The following ZDHHC18 variants were observed in gnomAD, a reference collection of about 807,000 sequenced individuals.
ZDHHC18 encodes palmitoyltransferase ZDHHC18.
Under a neutral mutation model 37.5 loss-of-function variants are expected in ZDHHC18, and 23 were observed. The observed-to-expected ratio is 0.61, with a 90% CI of 0.44 to 0.87. ZDHHC18 has a LOEUF of 0.87. Ranked by LOEUF, ZDHHC18 falls within the 40% of genes least tolerant of loss-of-function variation. The pLI is 0.00. For synonymous variants in ZDHHC18, 185 were observed against 218.7 expected (o/e 0.85, Z 1.36); for missense variants, 406 against 525.6 (o/e 0.77, Z 2.22).
intron 3 of ZDHHC18, among the ~76,000 whole-genome samples, chr1:26,849,951 A>G (rs539702000): frequency 5.3e-5 from 8 of 152,346 alleles, no homozygotes; most frequent in Admixed American, 5.2e-4. Context: ...ATTATAAATA[A>G]GCATAAAAAC....
chr1:26,856,046 T>C lies in ZDHHC18; in HGVS notation c.*2203T>C. On this transcript the variant is annotated 3_prime_UTR_variant, in exon 8 of 8. Coordinates refer to ENST00000374142, the MANE Select transcript of ZDHHC18 (RefSeq NM_032283.3). The surrounding 1 kb of genome is among the most constrained non-coding windows in gnomAD (Gnocchi z 5.2). ...CCTTTCCACTCCGATCCCCAATGAG[T>C]GCCCAGCTAAGAAAATGTTTGAGAC... The C allele has an allele frequency of 2.8e-6, 1 of 361,326 alleles. No individual in the cohort carries two copies. The highest frequency in any genetic ancestry group is 7.8e-5 in the East Asian group (1 of 12,888). The allele number at this position is 361,326 out of a possible 1,614,324, so 22.4% of individuals were successfully genotyped here.
intron 1 of ZDHHC18, among the ~76,000 whole-genome samples, 191 bp downstream of exon 1, chr1:26,827,330 C>G (rs1239245515): frequency 6.6e-6 from 1 of 150,966 alleles, no homozygotes. Flanking sequence ...CCAGATGCCC[C>G]ATCCTCCTTG....
chr1:26,832,460 G>T lies in ZDHHC18; in HGVS notation c.349G>T (p.Ala117Ser). The change falls in exon 2 of 8, where the codon GCT becomes TCT. Residue 117 changes from alanine to serine, a missense_variant. By Grantham distance (99) the Ala-to-Ser change is moderately conservative. Coordinates refer to ENST00000374142, the MANE Select transcript of ZDHHC18 (RefSeq NM_032283.3). ...CTCTCGTTCTAGCTGTCCCTACCTG[G>T]CTCGCAAGCTGACCCTTGCCATCCC... ...LFFVFDCPYL[A>S]RKLTLAIPII... 1 of 1,614,096 alleles carries T rather than the reference G, an allele frequency of 6.2e-7. No individual in the cohort carries two copies. Among genetic ancestry groups the T allele is most frequent in the Non-Finnish European group, 8.5e-7 (1 of 1,179,994 alleles).
At position 26,855,727 on chromosome 1, in the gene ZDHHC18, C is replaced by G. The variant is rs1255313885; in HGVS notation, c.*1884C>G. 1.9e-5 allele frequency: 3 copies of G among 154,548 alleles called. No homozygotes were observed. Among genetic ancestry groups the G allele is most frequent in the East Asian group, 1.9e-4 (1 of 5,274 alleles). 9.6% of individuals were successfully genotyped at this position (154,548 alleles called of 1,614,324 possible). On this transcript the variant is annotated 3_prime_UTR_variant, in exon 8 of 8. Transcript: ENST00000374142. Reference sequence around the variant, plus strand: ...ACTTCAGTTTATAAGAGTTGCTTTGCTTTGGTTTGGTTTTTGTTTGCTTTT... The same window carrying G: ...ACTTCAGTTTATAAGAGTTGCTTTGGTTTGGTTTGGTTTTTGTTTGCTTTT...
At chr1:26,839,616 A>G (rs752819365) in intron 2 of ZDHHC18, among the ~76,000 whole-genome samples, 4 of 152,182 alleles carry the variant, frequency 2.6e-5, no homozygotes, top group Non-Finnish European at 4.4e-5. Flanking sequence ...TCCCATCTGT[A>G]ACTCACAGGC....
At chr1:26,851,627 G>A (rs540605822) in intron 6 of ZDHHC18, among the ~76,000 whole-genome samples, 1 of 152,180 alleles carries the variant, frequency 6.6e-6, no homozygotes, top group South Asian at 2.1e-4. Flanking sequence ...TTCCCCATTC[G>A]ATGACTGAGA....
Position 26,827,131 on chromosome 1 carries a change from C to G in ZDHHC18, c.327C>G (p.Phe109Leu). 1 of 1,411,396 alleles carries G rather than the reference C, an allele frequency of 7.1e-7. No homozygotes were observed. Among genetic ancestry groups the G allele is most frequent in the East Asian group, 2.9e-5 (1 of 34,300 alleles). 87.4% of individuals were successfully genotyped at this position (1,411,396 alleles called of 1,614,324 possible). ...TCCTCACCACCACCGGCCTCTTCTT[C>G]GTCTTTGAGTGAGTTCCGCTGCCTC... ...LLILTTTGLFFVFDCPYLARK... is the reference protein window; with the variant it reads ...LLILTTTGLFLVFDCPYLARK... Residue 109 changes from phenylalanine (F) to leucine (L), a missense_variant, in exon 1 of 8, where the codon TTC becomes TTG. Transcript: ENST00000374142.
In ZDHHC18 at chr1:26,830,510, C is replaced by CTGTAGATAG. The variant is rs112740558; in HGVS notation, c.336-1936_336-1935insGTAGATAGT. On this transcript the variant is annotated intron_variant, in intron 1 of 7. Coordinates refer to ENST00000374142, the MANE Select transcript of ZDHHC18 (RefSeq NM_032283.3). ...TATCTGTAGATAGTACAGTAACTAT[C>CTGTAGATAG]TACATAGTACAGTAACTATCTGTAC... is the stretch of plus-strand genomic sequence containing the variant. Among the ~76,000 whole-genome samples the CTGTAGATAG allele has an allele frequency of 1.8e-3, 275 of 151,790 alleles. 1 individual carries two copies. The highest frequency in any genetic ancestry group is 6.4e-3 in the African/African-American group (265 of 41,134).
At chr1:26,833,535 G>A (rs1480693709) in intron 2 of ZDHHC18, among the ~76,000 whole-genome samples, 1 of 152,182 alleles carries the variant, frequency 6.6e-6, no homozygotes, top group Admixed American at 6.5e-5. Context: ...AACAGCCTGG[G>A]CGTGTGTGAG....
At chr1:26,847,689 C>CT (rs1372024403) in intron 2 of ZDHHC18, among the ~76,000 whole-genome samples, 384 of 148,764 alleles carry the variant, frequency 2.6e-3, no homozygotes, top group Non-Finnish European at 4.2e-3. Flanking sequence ...CTCTCTCTCT[C>CT]TTTTTTTTTT....
rs753064618 is a variant in ZDHHC18 at position 26,851,241 on chromosome 1, C to T, written c.936+10C>T. ...GACTACTAATGAAGACGTGAGTAAA[C>T]CTGGAGCCACCCCTCATTCTAGGGC... is the stretch of plus-strand genomic sequence containing the variant. On this transcript the variant is annotated intron_variant, in intron 6 of 7. Coordinates refer to ENST00000374142, the MANE Select transcript of ZDHHC18 (RefSeq NM_032283.3). 1.7e-5 allele frequency: 27 copies of T among 1,612,660 alleles called. No homozygotes were observed. The highest frequency in any genetic ancestry group is 2.2e-5 in the Non-Finnish European group (26 of 1,178,730).
chr1:26,838,942 G>A (rs2124255081), intron 2 of ZDHHC18, among the ~76,000 whole-genome samples: 1 of 152,362 alleles, frequency 6.6e-6, no homozygotes, highest in Middle Eastern at 3.4e-3. Flanking sequence ...ACCTTGAGCT[G>A]GCCTTAGAGG....
Position 26,855,377 on chromosome 1 carries a change from C to T in ZDHHC18, c.*1534C>T, listed in dbSNP as rs1274640093. ...GCCGGAAACTCAGAGGATGTTTCTCCTCTGCTGGGAGCTGTAGTTTCTTAT... is the reference window on the plus strand; with the variant it reads ...GCCGGAAACTCAGAGGATGTTTCTCTTCTGCTGGGAGCTGTAGTTTCTTAT... On this transcript the variant is annotated 3_prime_UTR_variant, in exon 8 of 8. Coordinates refer to ENST00000374142, the MANE Select transcript of ZDHHC18 (RefSeq NM_032283.3). 2 of 152,652 alleles carry T rather than the reference C, an allele frequency of 1.3e-5. No homozygotes were observed. The highest frequency in any genetic ancestry group is 2.9e-5 in the Non-Finnish European group (2 of 68,086). 9.5% of individuals were successfully genotyped at this position (152,652 alleles called of 1,614,324 possible). A position where few individuals can be genotyped will look rare whatever the true frequency, so the allele number is the denominator to read the frequency against.
intron 3 of ZDHHC18, among the ~76,000 whole-genome samples, chr1:26,849,628 A>G (rs17162313): frequency 0.061 from 9,237 of 152,182 alleles, 329 homozygotes; most frequent in Non-Finnish European, 0.079. Flanking sequence ...GACTTTCTTT[A>G]CCAGTCTGGG....
At chr1:26,851,056 A>C in intron 5 of ZDHHC18, 73 bp from the exon 6 acceptor site, 7 of 1,381,714 alleles carry the variant, frequency 5.1e-6, no homozygotes, top group Non-Finnish European at 7.2e-6. Context: ...CCATGGAAGG[A>C]TAGGTGAGAC....
chr1:26,847,086 G>A (rs1360487650), intron 2 of ZDHHC18, among the ~76,000 whole-genome samples: 2 of 151,606 alleles, frequency 1.3e-5, no homozygotes, highest in Non-Finnish European at 2.9e-5. Context: ...TAGTAGAGAC[G>A]GGGTTTCACC....
At chr1:26,851,338 G>A in intron 6 of ZDHHC18, 107 bp downstream of exon 6, 2 of 1,081,468 alleles carry the variant, frequency 1.8e-6, no homozygotes, top group Non-Finnish European at 2.8e-6. Context: ...ACGGACTGCT[G>A]GGATAATGCC....
chr1:26,854,798 T>G lies in ZDHHC18; in HGVS notation c.*955T>G, dbSNP rs894656022. On this transcript the variant is annotated 3_prime_UTR_variant, in exon 8 of 8. Transcript: ENST00000374142. This position sits in a 1 kb window ranked among gnomAD's most constrained non-coding sequence, Gnocchi z 4.6. The stretch of plus-strand genomic sequence containing the variant: ...TTATCAGAAGGCTGGTTGGTTTTAA[T>G]AAGTTTATTCCAAGAGACCTTCTGG... The G allele has an allele frequency of 3.9e-5, 6 of 152,622 alleles. No homozygotes were observed. Among genetic ancestry groups the G allele is most frequent in the African/African-American group, 1.2e-4 (5 of 41,452 alleles). 9.5% of individuals were successfully genotyped at this position (152,622 alleles called of 1,614,324 possible).
chr1:26,832,021 T>C (rs2081590556), intron 1 of ZDHHC18: 1 of 157,466 alleles, frequency 6.4e-6, no homozygotes, highest in Admixed American at 6.4e-5. Flanking sequence ...CTGCTGCTTA[T>C]TGAAGGTGTT....
Sources: gnomAD v4.1 joint callset for allele counts (sites outside exome capture counted in the v4.1 genomes callset) on GRCh38, gnomAD v4.1.1 for gene constraint, Gnocchi (gnomAD v3.1) non-coding constraint, MANE v1.5 for transcripts, NCBI Gene and HGNC (gene_info 2026-07-23, HGNC 2026-07-21) for gene names.